The following TSC22D3 variants were observed in gnomAD, a reference collection of about 807,000 sequenced individuals.
TSC22D3 encodes TSC22 domain family member 3, also known as TSC22 domain family protein 3.
Under a neutral mutation model 11.1 loss-of-function variants are expected in TSC22D3, and 4 were observed. That is an observed-to-expected ratio of 0.36 (90% CI 0.18 to 0.83). TSC22D3 has a LOEUF of 0.83. Among genes scored for constraint, TSC22D3 ranks in the 40% least tolerant of loss-of-function variants. TSC22D3 has a pLI of 0.48. For synonymous variants in TSC22D3, 77 were observed against 70.3 expected (o/e 1.10, Z -0.48); for missense variants, 118 against 159.4 (o/e 0.74, Z 1.40).
intron 1 of TSC22D3, among the ~76,000 whole-genome samples, chrX:107,723,996 G>A (rs147161561): frequency 6.3e-4 from 71 of 112,489 alleles, no homozygotes; most frequent in African/African-American, 2.0e-3. Flanking sequence ...TTAGTTCCTT[G>A]GCTGTGATGG....
intron 1 of TSC22D3, among the ~76,000 whole-genome samples, chrX:107,752,060 G>C (rs1224069752): frequency 8.9e-6 from 1 of 112,631 alleles, no homozygotes; most frequent in East Asian, 2.8e-4. Context: ...AGAGGCAGGA[G>C]ATCAGGAAAG....
chrX:107,732,384 T>C (rs1927930068), intron 1 of TSC22D3, among the ~76,000 whole-genome samples: 1 of 109,619 alleles, frequency 9.1e-6, no homozygotes, highest in Non-Finnish European at 1.9e-5. Context: ...ACAGAACTCC[T>C]CCCCTCCTTA....
intron 1 of TSC22D3, among the ~76,000 whole-genome samples, chrX:107,732,629 A>G (rs760552131): frequency 1.3e-4 from 14 of 111,542 alleles, no homozygotes; most frequent in African/African-American, 4.6e-4. Context: ...TGAAACTTTA[A>G]GTATTAGTGA....
At chrX:107,764,269 C>T in intron 1 of TSC22D3, among the ~76,000 whole-genome samples, 1 of 112,149 alleles carries the variant, frequency 8.9e-6, no homozygotes, top group Non-Finnish European at 1.9e-5. Context: ...ATCCCCAGTA[C>T]CTGCCACCAA....
chrX:107,766,474 C>G (rs1247892349), intron 1 of TSC22D3, among the ~76,000 whole-genome samples: 1 of 92,663 alleles, frequency 1.1e-5, no homozygotes, highest in Non-Finnish European at 2.1e-5. Flanking sequence ...ACAACTCCCC[C>G]CACCCCAACC....
chrX:107,770,171 C>G (rs749416946), intron 1 of TSC22D3, among the ~76,000 whole-genome samples: 1 of 112,090 alleles, frequency 8.9e-6, no homozygotes, highest in South Asian at 3.7e-4. Context: ...GTTGCAATCT[C>G]TAATACAGGG....
intron 1 of TSC22D3, chrX:107,721,796 C>T: frequency 4.5e-6 from 2 of 442,924 alleles, no homozygotes; most frequent in South Asian, 7.7e-5. Context: ...AACATCCCTC[C>T]CCACTTACTC....
chrX:107,749,835 G>T (rs191511435), intron 1 of TSC22D3, among the ~76,000 whole-genome samples: 1 of 111,740 alleles, frequency 8.9e-6, no homozygotes, highest in Non-Finnish European at 1.9e-5. Flanking sequence ...GAGTTGGGGT[G>T]CAGGGCACAG....
At chrX:107,724,307 GC>G (rs1271465474) in intron 1 of TSC22D3, among the ~76,000 whole-genome samples, 8 of 112,936 alleles carry the variant, frequency 7.1e-5, no homozygotes, top group Non-Finnish European at 1.1e-4. Context: ...CCTGGGGAGG[GC>G]CCCCCAACCA....
chrX:107,745,289 A>T (rs946903236), intron 1 of TSC22D3, among the ~76,000 whole-genome samples: 1 of 112,329 alleles, frequency 8.9e-6, no homozygotes, highest in Middle Eastern at 4.6e-3. Flanking sequence ...AGAGGATTTT[A>T]GGCTGATTTC....
At position 107,717,958 on chromosome X, in the gene TSC22D3, T is replaced by G. The variant is rs1927136962; in HGVS notation, c.321-2008A>C. Among the ~76,000 whole-genome samples the G allele has an allele frequency of 2.7e-5, 3 of 112,089 alleles. No individual in the cohort carries two copies. In the Admixed American group the frequency reaches 2.8e-4, roughly 11 times the overall value. ...TAAAAACACAACTTTGTTACTTTTCTTTAAAACAGCGAATGACAATAACAC... is the reference window on the plus strand; with the variant it reads ...TAAAAACACAACTTTGTTACTTTTCGTTAAAACAGCGAATGACAATAACAC... On this transcript the variant is annotated intron_variant, in intron 1 of 2. Coordinates refer to ENST00000372383, the MANE Select transcript of TSC22D3 (RefSeq NM_198057.3).
chrX:107,716,584 G>A (rs906930715), intron 1 of TSC22D3: 54 of 882,371 alleles, frequency 6.1e-5, no homozygotes, highest in Non-Finnish European at 7.4e-5. Flanking sequence ...CTGCACCGCG[G>A]GGAACAGGGA....
chrX:107,720,742 A>C (rs1344303837), intron 1 of TSC22D3, among the ~76,000 whole-genome samples: 7 of 47,900 alleles, frequency 1.5e-4, no homozygotes, highest in Non-Finnish European at 2.6e-4. Flanking sequence ...CAACAAGGGC[A>C]GGGGAGATAA....
rs1217756502 is a variant in TSC22D3, at chrX:107,713,561, C to A, written c.*958G>T. 1 of 112,903 alleles carries A rather than the reference C, an allele frequency of 8.9e-6. No homozygotes were observed. The highest frequency in any genetic ancestry group is 1.9e-5 in the Non-Finnish European group (1 of 53,334). 9.3% of individuals were successfully genotyped at this position (112,903 alleles called of 1,213,427 possible). ...CAACCCCATTCTATGTAGTCAGCAC[C>A]AGTGAATGGTGGGTTTGGCATTCAA... is the stretch of plus-strand genomic sequence containing the variant. On this transcript the variant is annotated 3_prime_UTR_variant, in exon 3 of 3. Coordinates refer to ENST00000372383, the MANE Select transcript of TSC22D3 (RefSeq NM_198057.3).
chrX:107,760,663 C>T (rs774136679), intron 1 of TSC22D3, among the ~76,000 whole-genome samples: 2 of 112,571 alleles, frequency 1.8e-5, no homozygotes, highest in East Asian at 2.8e-4. Context: ...TTGAAGAGAA[C>T]GTCCCCAGGC....
At chrX:107,717,046 C>G in intron 1 of TSC22D3, 1 of 975,787 alleles carries the variant, frequency 1.0e-6, no homozygotes, top group Non-Finnish European at 1.3e-6. Context: ...CCACGGCCGC[C>G]AGTCCAACCC....
At chrX:107,773,165 G>A (rs1929978837) in intron 1 of TSC22D3, among the ~76,000 whole-genome samples, 1 of 112,677 alleles carries the variant, frequency 8.9e-6, no homozygotes, top group Non-Finnish European at 1.9e-5. Context: ...CGTATTAGTG[G>A]AGTAGATGAC....
chrX:107,774,143 T>TCA (rs1049987431), intron 1 of TSC22D3, among the ~76,000 whole-genome samples: 99 of 111,754 alleles, frequency 8.9e-4, no homozygotes, highest in Middle Eastern at 9.2e-3. Flanking sequence ...GCTTATACAC[T>TCA]CACACACACA....
intron 1 of TSC22D3, among the ~76,000 whole-genome samples, chrX:107,773,898 T>C (rs1372322577): frequency 1.8e-5 from 2 of 111,752 alleles, no homozygotes; most frequent in Admixed American, 1.9e-4. Flanking sequence ...CCTGCTTGCA[T>C]TCTAAATATT....
Sources: gnomAD v4.1 joint callset for allele counts (sites outside exome capture counted in the v4.1 genomes callset) on GRCh38, gnomAD v4.1.1 for gene constraint, MANE v1.5 for transcripts, NCBI Gene and HGNC (gene_info 2026-07-23, HGNC 2026-07-21) for gene names.